Variants in XKR6 observed in about 807,000 individuals in gnomAD.
XKR6 encodes XK-related protein 6.
A neutral mutation model predicts 56.7 loss-of-function variants in XKR6; 22 were observed. The ratio of observed to expected loss-of-function variants is 0.39; its 90% confidence interval spans 0.28 to 0.55. XKR6 has a LOEUF of 0.55. Among genes scored for constraint, XKR6 ranks in the 20% least tolerant of loss-of-function variants. The probability of loss-of-function intolerance (pLI) is 0.66; values close to 1 mark genes in which losing one functional copy is unlikely to be tolerated. For missense variants in XKR6, 852 were observed against 889.0 expected, an observed-to-expected ratio of 0.96 and a Z score of 0.53; for synonymous variants, 524 against 387.8, an observed-to-expected ratio of 1.35 and a Z score of -4.13.
At position 11,029,638 on chromosome 8, in the gene XKR6, A is replaced by G. The variant is rs539912790; in HGVS notation, c.765-104808T>C. On this transcript the variant is annotated intron_variant, in intron 1 of 2. Transcript: ENST00000416569. ...ATCAGTGTCTGCTGTGTGAGCCACCAGTCTCTGGCTTTCTTCACAGCAGCC... is the reference window on the plus strand; with the variant it reads ...ATCAGTGTCTGCTGTGTGAGCCACCGGTCTCTGGCTTTCTTCACAGCAGCC... 9.9e-5 allele frequency among the ~76,000 whole-genome samples: 15 copies of G among 152,248 alleles called. No individual in the cohort carries two copies. In the East Asian group the frequency reaches 2.5e-3, roughly 26 times the overall value.
At chr8:11,018,024 C>T (rs987653956) in intron 1 of XKR6, among the ~76,000 whole-genome samples, 6 of 152,162 alleles carry the variant, frequency 3.9e-5, no homozygotes, top group South Asian at 2.1e-4. Flanking sequence ...TGCACAACCC[C>T]GGTCCTCTGG....
intron 1 of XKR6, among the ~76,000 whole-genome samples, chr8:10,942,944 C>A (rs1052727895): frequency 2.0e-5 from 3 of 152,232 alleles, no homozygotes; most frequent in Non-Finnish European, 4.4e-5. Context: ...GACCACATCC[C>A]AGGGCTGCAA....
chr8:11,012,644 C>T (rs534704719), intron 1 of XKR6, among the ~76,000 whole-genome samples: 2 of 146,254 alleles, frequency 1.4e-5, no homozygotes, highest in Admixed American at 1.4e-4. Flanking sequence ...AGCTTGCAGG[C>T]CCCCTCCACT....
chr8:11,191,878 T>G (rs1021050447), intron 1 of XKR6, among the ~76,000 whole-genome samples: 1 of 152,080 alleles, frequency 6.6e-6, no homozygotes, highest in Admixed American at 6.5e-5. Flanking sequence ...TAAGGATAAT[T>G]ATGGAAATAC....
chr8:10,995,971 C>T (rs759892312), intron 1 of XKR6, among the ~76,000 whole-genome samples: 1 of 152,160 alleles, frequency 6.6e-6, no homozygotes, highest in Non-Finnish European at 1.5e-5. Context: ...CTTGTTGGGC[C>T]TCCATTTCCT....
intron 1 of XKR6, chr8:11,137,756 G>C (rs908226321): frequency 2.0e-5 from 9 of 452,816 alleles, no homozygotes; most frequent in Non-Finnish European, 4.0e-5. Flanking sequence ...ATCGAATCCT[G>C]CTCCGGTCCT....
At chr8:11,001,564 C>A (rs1798238849) in intron 1 of XKR6, among the ~76,000 whole-genome samples, 1 of 152,242 alleles carries the variant, frequency 6.6e-6, no homozygotes, top group Non-Finnish European at 1.5e-5. Flanking sequence ...CCTTGGATCC[C>A]AATTCTGGGC....
intron 1 of XKR6, among the ~76,000 whole-genome samples, chr8:11,112,226 A>G (rs1798929568): frequency 6.6e-6 from 1 of 152,262 alleles, no homozygotes; most frequent in South Asian, 2.1e-4. Flanking sequence ...ATGGTGACAG[A>G]CATTCAGATG....
intron 1 of XKR6, among the ~76,000 whole-genome samples, chr8:11,094,467 G>T (rs1260250408): frequency 6.6e-6 from 1 of 152,180 alleles, no homozygotes; most frequent in Non-Finnish European, 1.5e-5. Context: ...TGGGAGTACA[G>T]GCCAGAGCCA....
At chr8:10,956,670 A>AGCAGAT (rs1554515453) in intron 1 of XKR6, among the ~76,000 whole-genome samples, 28 of 152,016 alleles carry the variant, frequency 1.8e-4, no homozygotes, top group African/African-American at 2.4e-5. Flanking sequence ...TTAGGAGAAC[A>AGCAGAT]GCGGATGTCA....
At chr8:11,075,589 C>T (rs1447198208) in intron 1 of XKR6, among the ~76,000 whole-genome samples, 1 of 152,130 alleles carries the variant, frequency 6.6e-6, no homozygotes, top group Non-Finnish European at 1.5e-5. Context: ...TTTACTGATT[C>T]AAAAAAGTAA....
chr8:11,142,335 A>G (rs906993294), intron 1 of XKR6, among the ~76,000 whole-genome samples: 1 of 141,504 alleles, frequency 7.1e-6, no homozygotes, highest in African/African-American at 2.5e-5. Context: ...CAAGAAAGCT[A>G]TAAGGGCTTG....
At chr8:10,912,687 G>GTATATATATA (rs780977459) in intron 2 of XKR6, among the ~76,000 whole-genome samples, 1 of 132,762 alleles carries the variant, frequency 7.5e-6, no homozygotes, top group African/African-American at 2.9e-5. Context: ...GAGGGTGAGT[G>GTATATATATA]TATATATATA....
intron 1 of XKR6, among the ~76,000 whole-genome samples, chr8:11,092,055 A>G (rs547163889): frequency 2.6e-5 from 4 of 152,218 alleles, no homozygotes; most frequent in Non-Finnish European, 4.4e-5. Flanking sequence ...GTACAACTCC[A>G]TTCTGCAGTT....
rs77358338 is a variant in XKR6 at position 10,950,534 on chromosome 8, G to A, written c.765-25704C>T. Among the ~76,000 whole-genome samples the A allele has an allele frequency of 3.9e-3, 601 of 152,290 alleles. 11 individuals are homozygous for A. The East Asian group carries it at 0.048, about 12-fold the overall frequency. On this transcript the variant is annotated intron_variant, in intron 1 of 2. Transcript: ENST00000416569. ...CCTCGTTCATAAAGTGGGAACAAGG[G>A]TCTCTTGTTGGATTCTCTCTTGACT... is the stretch of plus-strand genomic sequence containing the variant.
chr8:10,908,855 G>T (rs1278191946), intron 2 of XKR6, among the ~76,000 whole-genome samples: 8 of 151,822 alleles, frequency 5.3e-5, no homozygotes, highest in Non-Finnish European at 1.2e-4. Flanking sequence ...TCCAGGGAGT[G>T]GGTTCCTGAC....
At chr8:11,161,316 G>A (rs1801795829) in intron 1 of XKR6, among the ~76,000 whole-genome samples, 1 of 152,146 alleles carries the variant, frequency 6.6e-6, no homozygotes, top group African/African-American at 2.4e-5. Flanking sequence ...ACTCCTTCAA[G>A]TGCCTACTCA....
At chr8:10,921,581 A>C (rs1014521111) in intron 2 of XKR6, among the ~76,000 whole-genome samples, 18 of 152,210 alleles carry the variant, frequency 1.2e-4, no homozygotes, top group Non-Finnish European at 2.2e-4. Context: ...TCTTTCTTCC[A>C]GTATACCAAA....
intron 1 of XKR6, among the ~76,000 whole-genome samples, chr8:10,955,739 A>T (rs1163345245): frequency 1.3e-5 from 2 of 152,142 alleles, no homozygotes; most frequent in East Asian, 3.9e-4. Context: ...AGCTAGCCTG[A>T]GTCTCCCCTT....
Sources: gnomAD v4.1 joint callset for allele counts (sites outside exome capture counted in the v4.1 genomes callset) on GRCh38, gnomAD v4.1.1 for gene constraint, MANE v1.5 for transcripts, NCBI Gene and HGNC (gene_info 2026-07-23, HGNC 2026-07-21) for gene names.